Variants in IFT74 observed in about 807,000 individuals in gnomAD.
IFT74 encodes intraflagellar transport protein 74 homolog.
Under a neutral mutation model 96.7 loss-of-function variants are expected in IFT74, and 92 were observed. The observed-to-expected ratio is 0.95, with a 90% confidence interval of 0.80 to 1.13. The LOEUF (loss-of-function observed/expected upper bound fraction) is 1.13. Ranked by LOEUF, IFT74 falls within the 50% of genes most tolerant of loss-of-function variation. IFT74 has a pLI of 0.00. For missense variants in IFT74, 811 were observed against 698.2 expected, an observed-to-expected ratio of 1.16 and a Z score of -1.82; for synonymous variants, 223 against 213.2, an observed-to-expected ratio of 1.05 and a Z score of -0.40.
At chr9:27,013,250 T>G (rs1829195268) in intron 10 of IFT74, among the ~76,000 whole-genome samples, 1 of 152,140 alleles carries the variant, frequency 6.6e-6, no homozygotes, top group South Asian at 2.1e-4. Context: ...GTATCTACAG[T>G]GTCTATTTAT....
intron 2 of IFT74, among the ~76,000 whole-genome samples, chr9:26,965,559 A>G (rs745332686): frequency 3.3e-5 from 5 of 152,140 alleles, no homozygotes; most frequent in Non-Finnish European, 5.9e-5. Flanking sequence ...AAAAATTGAT[A>G]ATTAAATATT....
chr9:26,983,485 T>C (rs1459749704), intron 4 of IFT74, among the ~76,000 whole-genome samples: 1 of 152,152 alleles, frequency 6.6e-6, no homozygotes, highest in Non-Finnish European at 1.5e-5. Flanking sequence ...GAAGTGCTAC[T>C]GATACTCAGA....
intron 12 of IFT74, among the ~76,000 whole-genome samples, chr9:27,028,371 ATCAAAC>A (rs1446449444): frequency 6.6e-6 from 1 of 152,206 alleles, no homozygotes; most frequent in African/African-American, 2.4e-5. Flanking sequence ...AATACTGCAA[ATCAAAC>A]TCAAAGGAAA....
intron 2 of IFT74, among the ~76,000 whole-genome samples, chr9:26,964,400 T>A: frequency 6.6e-6 from 1 of 151,226 alleles, no homozygotes; most frequent in Non-Finnish European, 1.5e-5. Flanking sequence ...GGTAGTGTGA[T>A]GCCTCCAGCT....
intron 8 of IFT74, among the ~76,000 whole-genome samples, chr9:26,990,881 C>T (rs952250589): frequency 2.0e-5 from 3 of 152,092 alleles, no homozygotes; most frequent in Admixed American, 1.3e-4. Context: ...TGTGTTGGTT[C>T]TAAGGTCAAA....
At chr9:27,019,109 C>T in intron 12 of IFT74, among the ~76,000 whole-genome samples, 1 of 152,046 alleles carries the variant, frequency 6.6e-6, no homozygotes, top group East Asian at 1.9e-4. Flanking sequence ...CACACACCAC[C>T]ATATCTGGCT....
At chr9:26,950,463 G>A (rs1825898470) in intron 1 of IFT74, among the ~76,000 whole-genome samples, 1 of 152,172 alleles carries the variant, frequency 6.6e-6, no homozygotes, top group Non-Finnish European at 1.5e-5. Context: ...AGGAGTTGGG[G>A]TGGGGGGTCA....
Position 27,011,932 on chromosome 9 carries a change from G to T in IFT74, c.753G>T (p.Leu251Phe). The change falls in exon 10 of 20, where the codon TTG becomes TTT. Residue 251 changes from leucine (L) to phenylalanine (F), a missense_variant. Coordinates refer to ENST00000380062, the MANE Select transcript of IFT74 (RefSeq NM_025103.4). ...AATTAGATACACTTCAACAACAATT[G>T]GATTCACAGAACATGAAAAAAGAGA... is the stretch of plus-strand genomic sequence containing the variant. The part of the protein sequence containing the change: ...LQELDTLQQQ[L>F]DSQNMKKESL... The T allele has an allele frequency of 6.3e-7, 1 of 1,578,898 alleles. No individual in the cohort carries two copies. The highest frequency in any genetic ancestry group is 8.6e-7 in the Non-Finnish European group (1 of 1,163,528).
chr9:27,020,183 G>A (rs1829532461), intron 12 of IFT74, among the ~76,000 whole-genome samples: 1 of 151,880 alleles, frequency 6.6e-6, no homozygotes, highest in South Asian at 2.1e-4. Context: ...AAATTAATAA[G>A]TAGTCAACAA....
At chr9:27,025,302 G>A (rs1829806655) in intron 12 of IFT74, among the ~76,000 whole-genome samples, 1 of 151,860 alleles carries the variant, frequency 6.6e-6, no homozygotes, top group African/African-American at 2.4e-5. Context: ...AATCCGCTGG[G>A]CATGGTGGCA....
At chr9:26,969,426 T>C (rs1025622172) in intron 2 of IFT74, among the ~76,000 whole-genome samples, 3 of 152,048 alleles carry the variant, frequency 2.0e-5, no homozygotes, top group Admixed American at 1.3e-4. Flanking sequence ...TTCCCACTCT[T>C]TTGTTTTTAG....
chr9:27,038,559 G>C (rs1476349313), intron 13 of IFT74, among the ~76,000 whole-genome samples: 1 of 152,224 alleles, frequency 6.6e-6, no homozygotes, highest in African/African-American at 2.4e-5. Flanking sequence ...TTACAGGCGT[G>C]AGCCCACCGC....
intron 13 of IFT74, among the ~76,000 whole-genome samples, chr9:27,030,789 A>T (rs1342214603): frequency 6.6e-6 from 1 of 152,176 alleles, no homozygotes; most frequent in East Asian, 1.9e-4. Context: ...ACAATTGCAT[A>T]TTTGCTTAAT....
At chr9:27,020,457 C>A (rs1024882455) in intron 12 of IFT74, among the ~76,000 whole-genome samples, 9 of 146,322 alleles carry the variant, frequency 6.2e-5, no homozygotes, top group African/African-American at 2.2e-4. Context: ...TTTATTTTAT[C>A]TTTTTTATTT....
intron 9 of IFT74, among the ~76,000 whole-genome samples, chr9:27,010,496 T>G (rs542017852): frequency 1.3e-4 from 20 of 148,166 alleles, no homozygotes; most frequent in African/African-American, 2.8e-4. Context: ...TTTTTTTTTT[T>G]TTGTTTTTTT....
chr9:27,031,795 T>TAAATAAAATAAAAA (rs1563989178), intron 13 of IFT74, among the ~76,000 whole-genome samples: 3 of 135,846 alleles, frequency 2.2e-5, no homozygotes, highest in African/African-American at 8.1e-5. Context: ...TAAAATAAAA[T>TAAATAAAATAAAAA]GTAAAATAAA....
At chr9:27,008,429 C>A (rs1056412764) in intron 8 of IFT74, among the ~76,000 whole-genome samples, 1 of 151,768 alleles carries the variant, frequency 6.6e-6, no homozygotes, top group East Asian at 1.9e-4. Context: ...GCGATCTCAG[C>A]CCACTGCAAC....
intron 2 of IFT74, among the ~76,000 whole-genome samples, chr9:26,964,465 A>G (rs1325843148): frequency 2.0e-5 from 3 of 151,598 alleles, no homozygotes; most frequent in African/African-American, 7.3e-5. Context: ...TTGGTTCCAT[A>G]TGAACTTTAA....
At chr9:26,976,883 T>C (rs1015848286) in intron 2 of IFT74, 72 of 433,200 alleles carry the variant, frequency 1.7e-4, no homozygotes, top group African/African-American at 1.3e-3. Flanking sequence ...AGAATCTTGT[T>C]GAGTAATAAT....
Sources: allele counts gnomAD v4.1 joint callset (sites outside exome capture counted in the v4.1 genomes callset), GRCh38; gene constraint gnomAD v4.1.1; transcripts MANE v1.5; gene names NCBI Gene and HGNC (gene_info 2026-07-23, HGNC 2026-07-21).